Variants in KLF8 observed in about 807,000 individuals in gnomAD.
KLF8 encodes Krueppel-like factor 8.
Under a neutral mutation model 18.2 loss-of-function variants are expected in KLF8, and 10 were observed. The ratio of observed to expected loss-of-function variants is 0.55; its 90% CI spans 0.34 to 0.93. The LOEUF (loss-of-function observed/expected upper bound fraction) is 0.93. KLF8 is among the 40% of genes least tolerant of loss of function. The pLI, the probability that KLF8 is intolerant of heterozygous loss-of-function variation, is 0.02. For missense variants in KLF8, 264 were observed against 277.9 expected (o/e 0.95, Z 0.36); for synonymous variants, 109 against 97.3 (o/e 1.12, Z -0.71).
At chrX:56,199,089 C>G in the KLF8 span, among the ~76,000 whole-genome samples, 1 of 111,836 alleles carries the variant, frequency 8.9e-6, no homozygotes, top group Non-Finnish European at 1.9e-5. Flanking sequence ...AGAATTAATT[C>G]AAGATGGATG....
At chrX:55,940,532 A>G in the KLF8 span, among the ~76,000 whole-genome samples, 1 of 111,665 alleles carries the variant, frequency 9.0e-6, no homozygotes, top group Non-Finnish European at 1.9e-5. Flanking sequence ...GGCCAGGACA[A>G]TCAGTCAGGA....
At chrX:56,057,282 G>C in the KLF8 span, among the ~76,000 whole-genome samples, 4 of 111,404 alleles carry the variant, frequency 3.6e-5, no homozygotes, top group Non-Finnish European at 7.5e-5. Context: ...TGGTGCAAGG[G>C]TGGGCCTTGC....
chrX:56,088,891 C>T, the KLF8 span, among the ~76,000 whole-genome samples: 1 of 111,627 alleles, frequency 9.0e-6, no homozygotes, highest in African/African-American at 3.3e-5. Context: ...AGTAGAGAAA[C>T]TTTGGCTACA....
chrX:56,173,924 G>A, the KLF8 span, among the ~76,000 whole-genome samples: 2 of 111,855 alleles, frequency 1.8e-5, no homozygotes, highest in Non-Finnish European at 3.8e-5. Context: ...GAGAATGCTT[G>A]TGATTTTTGC....
the KLF8 span, among the ~76,000 whole-genome samples, chrX:55,998,857 A>G: frequency 1.2e-5 from 1 of 83,324 alleles, no homozygotes; most frequent in Non-Finnish European, 2.4e-5. Context: ...ATTAGGTCGC[A>G]TTTATTTTTT....
the KLF8 span, among the ~76,000 whole-genome samples, chrX:56,036,143 G>A: frequency 2.7e-5 from 3 of 110,386 alleles, no homozygotes; most frequent in Admixed American, 1.9e-4. Flanking sequence ...ATATTTATGG[G>A]GTACATAGTA....
At chrX:56,148,403 A>G in the KLF8 span, among the ~76,000 whole-genome samples, 1 of 110,716 alleles carries the variant, frequency 9.0e-6, no homozygotes, top group Non-Finnish European at 1.9e-5. Context: ...GAATAAAAAT[A>G]CATTCGAACT....
At chrX:56,074,111 T>G in the KLF8 span, among the ~76,000 whole-genome samples, 1 of 111,982 alleles carries the variant, frequency 8.9e-6, no homozygotes, top group Non-Finnish European at 1.9e-5. Flanking sequence ...GAAAAAAATC[T>G]TCTCAAGATT....
the KLF8 span, among the ~76,000 whole-genome samples, chrX:56,105,534 C>A: frequency 9.7e-6 from 1 of 103,084 alleles, no homozygotes; most frequent in East Asian, 3.0e-4. Flanking sequence ...GCAACCCCTG[C>A]TTTTTTTTTT....
At chrX:56,176,089 C>G in the KLF8 span, among the ~76,000 whole-genome samples, 1 of 111,554 alleles carries the variant, frequency 9.0e-6, no homozygotes, top group Non-Finnish European at 1.9e-5. Flanking sequence ...AGCATTTAGC[C>G]CATTTACATT....
chrX:55,911,552 G>C, the KLF8 span, among the ~76,000 whole-genome samples: 2 of 111,489 alleles, frequency 1.8e-5, no homozygotes, highest in African/African-American at 6.5e-5. Flanking sequence ...TTTAAGTTGT[G>C]CACTGTGCTT....
the KLF8 span, among the ~76,000 whole-genome samples, chrX:55,969,360 C>A: frequency 9.0e-6 from 1 of 111,097 alleles, no homozygotes; most frequent in African/African-American, 3.3e-5. Flanking sequence ...ACCAGTGGGT[C>A]AAAGATGAAA....
chrX:55,967,166 G>A, the KLF8 span, among the ~76,000 whole-genome samples: 1 of 111,425 alleles, frequency 9.0e-6, no homozygotes, highest in East Asian at 2.8e-4. Context: ...GGCCTTAAAG[G>A]GGAGGTAGAC....
chrX:56,056,850 A>G, the KLF8 span, among the ~76,000 whole-genome samples: 23 of 109,166 alleles, frequency 2.1e-4, no homozygotes, highest in East Asian at 8.6e-4. Context: ...AAAAAAAAAA[A>G]AAAGAAATGC....
chrX:56,008,134 A>G, the KLF8 span, among the ~76,000 whole-genome samples: 1 of 108,092 alleles, frequency 9.3e-6, no homozygotes, highest in Non-Finnish European at 1.9e-5. Context: ...ATATATATAT[A>G]TATACACACA....
chrX:55,960,516 A>T, the KLF8 span, among the ~76,000 whole-genome samples: 1 of 110,643 alleles, frequency 9.0e-6, no homozygotes, highest in Non-Finnish European at 1.9e-5. Context: ...ACTCTGTCAA[A>T]AAAAGAAAAG....
the KLF8 span, among the ~76,000 whole-genome samples, chrX:56,062,858 G>A: frequency 1.8e-5 from 2 of 110,473 alleles, no homozygotes; most frequent in African/African-American, 6.6e-5. Flanking sequence ...GGCTTTGTTT[G>A]CTCCTTTTCA....
intron 5 of KLF8, among the ~76,000 whole-genome samples, chrX:56,282,227 G>GGA (rs1250108227): frequency 1.8e-5 from 2 of 112,072 alleles, no homozygotes; most frequent in African/African-American, 6.5e-5. Context: ...TTTCCTCCTT[G>GGA]GAGAGAGAGA....
At chrX:55,972,705 G>A in the KLF8 span, among the ~76,000 whole-genome samples, 1 of 110,996 alleles carries the variant, frequency 9.0e-6, no homozygotes, top group Non-Finnish European at 1.9e-5. Flanking sequence ...AACTGCTGAA[G>A]GATATCAGAG....
Sources: allele counts gnomAD v4.1 joint callset (sites outside exome capture counted in the v4.1 genomes callset), GRCh38; gene constraint gnomAD v4.1.1; transcripts MANE v1.5; gene names NCBI Gene and HGNC (gene_info 2026-07-23, HGNC 2026-07-21).